Variants in MAP4K3 observed in about 807,000 individuals in gnomAD.
The protein encoded by MAP4K3 is MAPK/ERK kinase kinase kinase 3.
Under a neutral mutation model 143.5 loss-of-function variants are expected in MAP4K3, and 94 were observed. The ratio of observed to expected loss-of-function variants is 0.65; its 90% CI spans 0.55 to 0.78. The LOEUF (loss-of-function observed/expected upper bound fraction) is 0.78. MAP4K3 is among the 30% of genes least tolerant of loss of function. MAP4K3 has a pLI of 0.00. For missense variants in MAP4K3, 1,077 were observed against 1,068.1 expected, an observed-to-expected ratio of 1.01 and a Z score of -0.12; for synonymous variants, 416 against 347.2, an observed-to-expected ratio of 1.20 and a Z score of -2.20.
intron 3 of MAP4K3, among the ~76,000 whole-genome samples, chr2:39,348,001 T>G (rs1274616989): frequency 6.6e-6 from 1 of 152,032 alleles, no homozygotes; most frequent in Admixed American, 6.6e-5. Flanking sequence ...CAATACTCAT[T>G]GATAATGGAC....
intron 1 of MAP4K3, among the ~76,000 whole-genome samples, chr2:39,388,066 G>T (rs886746503): frequency 3.3e-5 from 5 of 152,136 alleles, no homozygotes; most frequent in Non-Finnish European, 7.4e-5. Context: ...ATTCAAAAAT[G>T]GACCTGTTCC....
Position 39,272,361 on chromosome 2 carries a change from A to G in MAP4K3, c.1895T>C (p.Leu632Pro). Residue 632 changes from leucine to proline, a missense_variant, in exon 26 of 34, where the codon CTT becomes CCT. By Grantham distance (98) the Leu-to-Pro change is moderately conservative (BLOSUM62 -3). Transcript: ENST00000263881. Reference protein sequence around the residue: ...SQLYSHNLPGLFDYARQMQKL... With the variant: ...SQLYSHNLPGPFDYARQMQKL... ...TTGCATTTGTCTTGCATAATCAAAAAGCCCTGGTAAATTATGGGAATAAAG... is the reference window on the plus strand; with the variant it reads ...TTGCATTTGTCTTGCATAATCAAAAGGCCCTGGTAAATTATGGGAATAAAG... 6.2e-7 allele frequency: 1 copy of G among 1,613,862 alleles called. No individual in the cohort carries two copies. The highest frequency in any genetic ancestry group is 8.5e-7 in the Non-Finnish European group (1 of 1,179,846).
chr2:39,276,779 G>A (rs970283144), intron 24 of MAP4K3, among the ~76,000 whole-genome samples: 5 of 152,180 alleles, frequency 3.3e-5, no homozygotes, highest in Admixed American at 3.3e-4. Flanking sequence ...TGACTCGTGG[G>A]TACTAAATGA....
At chr2:39,436,821 G>A in intron 1 of MAP4K3, 71 bp downstream of exon 1, 10 of 1,365,396 alleles carry the variant, frequency 7.3e-6, no homozygotes, top group Non-Finnish European at 1.0e-5. Context: ...AGGCGGCAAG[G>A]GCTCGGACGC....
At chr2:39,429,742 G>A (rs1361613405) in intron 1 of MAP4K3, among the ~76,000 whole-genome samples, 4 of 152,072 alleles carry the variant, frequency 2.6e-5, no homozygotes, top group Non-Finnish European at 5.9e-5. Flanking sequence ...AAAAGCAAAG[G>A]ACCTAGAATA....
chr2:39,279,432 G>T (rs1681418839), intron 23 of MAP4K3, among the ~76,000 whole-genome samples: 1 of 152,126 alleles, frequency 6.6e-6, no homozygotes, highest in Admixed American at 6.5e-5. Context: ...TTTAATGAGT[G>T]TATGTGTATG....
chr2:39,275,519 G>T (rs1174537649), intron 24 of MAP4K3, among the ~76,000 whole-genome samples: 1 of 151,994 alleles, frequency 6.6e-6, no homozygotes, highest in Non-Finnish European at 1.5e-5. Context: ...CTTCAAATTA[G>T]GTTGATAAAT....
intron 1 of MAP4K3, among the ~76,000 whole-genome samples, chr2:39,418,786 C>T (rs955576436): frequency 6.6e-6 from 1 of 151,944 alleles, no homozygotes; most frequent in Admixed American, 6.6e-5. Flanking sequence ...TTGACCAGCA[C>T]TCCTTAAAAC....
chr2:39,429,762 A>C (rs976774216), intron 1 of MAP4K3, among the ~76,000 whole-genome samples: 1 of 152,236 alleles, frequency 6.6e-6, no homozygotes, highest in Non-Finnish European at 1.5e-5. Flanking sequence ...AGATAAAACC[A>C]TTTTGAAAAG....
At chr2:39,293,317 G>C (rs558806724) in intron 16 of MAP4K3, 49 bp from the exon 17 acceptor site, 6 of 1,115,070 alleles carry the variant, frequency 5.4e-6, no homozygotes, top group Non-Finnish European at 7.8e-6. Context: ...AATTATCAAA[G>C]GAATATCGAA....
chr2:39,265,176 A>G (rs750374042), intron 28 of MAP4K3, 27 bp downstream of exon 28: 27 of 1,386,668 alleles, frequency 1.9e-5, no homozygotes, highest in Non-Finnish European at 2.6e-5. Context: ...TATAGTAAGA[A>G]TAAGATAGTC....
intron 2 of MAP4K3, among the ~76,000 whole-genome samples, chr2:39,377,683 A>G (rs1439502492): frequency 2.0e-5 from 3 of 152,164 alleles, no homozygotes; most frequent in African/African-American, 7.2e-5. Flanking sequence ...AGAGCAAGGG[A>G]GTGGGAGACA....
chr2:39,406,403 T>C (rs911205234), intron 1 of MAP4K3, among the ~76,000 whole-genome samples: 1 of 152,114 alleles, frequency 6.6e-6, no homozygotes, highest in Non-Finnish European at 1.5e-5. Flanking sequence ...CCAGCAGATT[T>C]AACCCAAAGA....
chr2:39,307,502 A>C (rs1682751248), intron 15 of MAP4K3, among the ~76,000 whole-genome samples: 1 of 151,808 alleles, frequency 6.6e-6, no homozygotes. Flanking sequence ...TATCTGAATA[A>C]TATATGTACC....
At chr2:39,262,128 T>C (rs1256439780) in intron 28 of MAP4K3, among the ~76,000 whole-genome samples, 3 of 152,242 alleles carry the variant, frequency 2.0e-5, no homozygotes, top group Admixed American at 1.3e-4. Context: ...TAGCATTTTA[T>C]GAAGCTACTG....
intron 19 of MAP4K3, among the ~76,000 whole-genome samples, chr2:39,288,520 C>G (rs188949942): frequency 6.6e-6 from 1 of 152,136 alleles, no homozygotes. Flanking sequence ...AAAAGGGCCT[C>G]TAAGTCGACT....
intron 15 of MAP4K3, 155 bp from the exon 16 acceptor site, chr2:39,299,956 G>A: frequency 2.8e-6 from 1 of 361,710 alleles, no homozygotes; most frequent in Non-Finnish European, 5.1e-6. Flanking sequence ...GATTTCACGA[G>A]TTCATAGTCC....
chr2:39,305,195 T>C (rs1437232333), intron 15 of MAP4K3, among the ~76,000 whole-genome samples: 3 of 152,118 alleles, frequency 2.0e-5, no homozygotes, highest in African/African-American at 7.2e-5. Flanking sequence ...ACATAAACAT[T>C]AAAACAGTAA....
At chr2:39,279,687 T>A (rs537056508) in intron 23 of MAP4K3, among the ~76,000 whole-genome samples, 1 of 152,138 alleles carries the variant, frequency 6.6e-6, no homozygotes, top group Non-Finnish European at 1.5e-5. Context: ...CAGTGGCTCC[T>A]GTCTGTAATC....
Sources: gnomAD v4.1 joint callset for allele counts (sites outside exome capture counted in the v4.1 genomes callset) on GRCh38, gnomAD v4.1.1 for gene constraint, MANE v1.5 for transcripts, NCBI Gene and HGNC (gene_info 2026-07-23, HGNC 2026-07-21) for gene names.